SLC4A4: variants seen among roughly 807,000 people sequenced by gnomAD.
SLC4A4 encodes electrogenic sodium bicarbonate cotransporter 1.
A neutral mutation model predicts 111.5 loss-of-function variants in SLC4A4; 27 were observed. The ratio of observed to expected loss-of-function variants is 0.24; its 90% CI spans 0.18 to 0.33. The LOEUF (loss-of-function observed/expected upper bound fraction) is 0.33. SLC4A4 is among the 10% of genes least tolerant of loss of function. The pLI is 1.00. For synonymous variants in SLC4A4, 443 were observed against 463.4 expected (o/e 0.96, Z 0.57); for missense variants, 909 against 1,315.5 (o/e 0.69, Z 4.78).
intron 2 of SLC4A4, among the ~76,000 whole-genome samples, chr4:71,092,984 A>ACT (rs922224114): frequency 6.6e-6 from 1 of 151,870 alleles, no homozygotes; most frequent in Non-Finnish European, 1.5e-5. Flanking sequence ...AGTCCCAGCT[A>ACT]CTCGGGAGGC....
chr4:71,089,414 G>A (rs973008577), intron 1 of SLC4A4, among the ~76,000 whole-genome samples: 3 of 152,060 alleles, frequency 2.0e-5, no homozygotes, highest in African/African-American at 4.8e-5. Flanking sequence ...GTCATTCTCT[G>A]TCCAGCTTTG....
intron 1 of SLC4A4, among the ~76,000 whole-genome samples, chr4:71,088,130 T>C (rs1398443875): frequency 2.0e-5 from 3 of 152,048 alleles, no homozygotes; most frequent in East Asian, 1.9e-4. Flanking sequence ...TAGCTTTTCT[T>C]GTTGAATTGA....
At chr4:71,490,310 A>G (rs1473822586) in intron 15 of SLC4A4, among the ~76,000 whole-genome samples, 3 of 151,768 alleles carry the variant, frequency 2.0e-5, no homozygotes, top group African/African-American at 7.3e-5. Flanking sequence ...ATCAGTTAGT[A>G]TTTTGTTTTT....
chr4:71,406,432 G>A (rs1720860955), intron 7 of SLC4A4, among the ~76,000 whole-genome samples: 1 of 152,016 alleles, frequency 6.6e-6, no homozygotes, highest in Non-Finnish European at 1.5e-5. Context: ...CACCATGGGA[G>A]GAAGTTTTTC....
At chr4:71,184,455 C>A (rs1221121394), upstream of SLC4A4, among the ~76,000 whole-genome samples, 1 of 152,084 alleles carries the variant, frequency 6.6e-6, no homozygotes, top group African/African-American at 2.4e-5. Flanking sequence ...CCTATTAGGA[C>A]CTTGGATGAT....
intron 22 of SLC4A4, 30 bp from the exon 23 acceptor site, chr4:71,560,063 C>G (rs923415959): frequency 1.3e-6 from 2 of 1,559,264 alleles, no homozygotes; most frequent in East Asian, 4.5e-5. Flanking sequence ...GACATGGTTT[C>G]TTTCATACTT....
At chr4:71,312,244 A>G (rs910945550) in intron 3 of SLC4A4, among the ~76,000 whole-genome samples, 11 of 152,192 alleles carry the variant, frequency 7.2e-5, no homozygotes, top group African/African-American at 2.7e-4. Flanking sequence ...CCCTGAATAG[A>G]CCAATAACAA....
intron 1 of SLC4A4, among the ~76,000 whole-genome samples, chr4:71,216,974 T>G (rs1718469198): frequency 6.6e-6 from 1 of 152,190 alleles, no homozygotes; most frequent in Non-Finnish European, 1.5e-5. Context: ...AGTCCATTTT[T>G]CAGATGAGAA....
chr4:71,319,005 C>T (rs1427658706), intron 3 of SLC4A4, among the ~76,000 whole-genome samples: 2 of 151,798 alleles, frequency 1.3e-5, no homozygotes, highest in East Asian at 3.9e-4. Context: ...GGGTGCAGCT[C>T]AGAGATAACC....
intron 3 of SLC4A4, among the ~76,000 whole-genome samples, chr4:71,334,123 A>G (rs913904312): frequency 6.6e-6 from 1 of 152,102 alleles, no homozygotes; most frequent in Admixed American, 6.5e-5. Flanking sequence ...GCACTGGGTC[A>G]CACCTGAAGC....
chr4:71,156,571 CAT>C (rs1491513511), intron 2 of SLC4A4, among the ~76,000 whole-genome samples: 886 of 14,246 alleles, frequency 0.062, 1 homozygote, highest in East Asian at 0.13. Flanking sequence ...TGTGTGCGCG[CAT>C]GCGCGCGCGC....
At chr4:71,404,908 ACCTTAG>A (rs1720704259) in intron 7 of SLC4A4, among the ~76,000 whole-genome samples, 1 of 151,756 alleles carries the variant, frequency 6.6e-6, no homozygotes, top group African/African-American at 2.4e-5. Context: ...CTATTCTCTT[ACCTTAG>A]CCTCCTGAAT....
At chr4:71,146,597 G>T (rs1303938195) in intron 2 of SLC4A4, among the ~76,000 whole-genome samples, 8 of 152,124 alleles carry the variant, frequency 5.3e-5, no homozygotes, top group Admixed American at 3.9e-4. Flanking sequence ...CTCTTTGAAG[G>T]TCACTAAGGA....
In SLC4A4 at chr4:71,522,159, T is replaced by C. The variant is rs1033964253; in HGVS notation, c.2167-9903T>C. Among the ~76,000 whole-genome samples the C allele has an allele frequency of 2.0e-5, 3 of 152,352 alleles. No homozygotes were observed. In the East Asian group the frequency reaches 5.8e-4, roughly 29 times the overall value. ...TCTTTTTTGTATTCACCATCCTTTT[T>C]AAAGGGGTGTATCAGTCTGTTATCC... On this transcript the variant is annotated intron_variant, in intron 16 of 25. Coordinates refer to ENST00000264485, the MANE Select transcript of SLC4A4 (RefSeq NM_001098484.3).
chr4:71,408,268 C>A (rs1283902273), intron 7 of SLC4A4, among the ~76,000 whole-genome samples: 1 of 152,120 alleles, frequency 6.6e-6, no homozygotes, highest in Non-Finnish European at 1.5e-5. Context: ...CATAGTAAAC[C>A]TTAACTCTTC....
intron 12 of SLC4A4, among the ~76,000 whole-genome samples, chr4:71,465,918 G>T (rs897319653): frequency 1.3e-5 from 2 of 152,092 alleles, no homozygotes; most frequent in Admixed American, 1.3e-4. Flanking sequence ...TTGCAGAATG[G>T]AGGACAAATC....
At chr4:71,338,960 G>T in intron 3 of SLC4A4, 1 of 887,794 alleles carries the variant, frequency 1.1e-6, no homozygotes, top group Non-Finnish European at 1.6e-6. Flanking sequence ...CTCAGGATTG[G>T]GGTACTTTGT....
At chr4:71,380,988 G>C (rs1416670372) in intron 6 of SLC4A4, among the ~76,000 whole-genome samples, 3 of 152,154 alleles carry the variant, frequency 2.0e-5, no homozygotes, top group African/African-American at 7.2e-5. Context: ...TTTCTGCAAT[G>C]GTTCTGTTTT....
At chr4:71,461,142 T>A (rs1047811784) in intron 12 of SLC4A4, among the ~76,000 whole-genome samples, 1 of 152,182 alleles carries the variant, frequency 6.6e-6, no homozygotes, top group Non-Finnish European at 1.5e-5. Flanking sequence ...GCAGAGTTCC[T>A]TATGAACACC....
Sources: allele counts gnomAD v4.1 joint callset (sites outside exome capture counted in the v4.1 genomes callset), GRCh38; gene constraint gnomAD v4.1.1; transcripts MANE v1.5; gene names NCBI Gene and HGNC (gene_info 2026-07-23, HGNC 2026-07-21).